MGAT4D: variants seen among roughly 807,000 people sequenced by gnomAD.
The protein encoded by MGAT4D is MGAT4 family member D, also known as alpha-1,3-mannosyl-glycoprotein 4-beta-N-acetylglucosaminyltransferase-like protein MGAT4D.
Under a neutral mutation model 15.9 loss-of-function variants are expected in MGAT4D, and 34 were observed. The observed-to-expected ratio is 2.14, with a 90% CI of 1.62 to 2.84. The LOEUF (loss-of-function observed/expected upper bound fraction) is 2.84, where lower values mean the gene tolerates loss of function less well. MGAT4D is among the 30% of genes most tolerant of loss of function. The pLI, the probability that MGAT4D is intolerant of heterozygous loss-of-function variation, is 0.00. For synonymous variants in MGAT4D, 112 were observed against 48.2 expected (o/e 2.33, Z -5.49); for missense variants, 327 against 140.2 (o/e 2.33, Z -6.73).
intron 9 of MGAT4D, among the ~76,000 whole-genome samples, chr4:140,453,786 A>G (rs143778200): frequency 0.028 from 4,328 of 152,160 alleles, 209 homozygotes; most frequent in African/African-American, 0.098. Context: ...TCATGATTGT[A>G]AGTTTTCTGA....
chr4:140,468,793 TCACTGC>T (rs1731718657), intron 5 of MGAT4D, among the ~76,000 whole-genome samples: 1 of 152,148 alleles, frequency 6.6e-6, no homozygotes, highest in Admixed American at 6.5e-5. Context: ...CTAAGTTCCT[TCACTGC>T]CAATGAATCC....
intron 1 of MGAT4D, among the ~76,000 whole-genome samples, chr4:140,492,188 G>T (rs1460037575): frequency 6.6e-6 from 1 of 152,102 alleles, no homozygotes; most frequent in Non-Finnish European, 1.5e-5. Context: ...ACAATGTTGT[G>T]AGAAACAAAC....
At chr4:140,454,366 A>G (rs1730664217) in intron 9 of MGAT4D, among the ~76,000 whole-genome samples, 1 of 152,196 alleles carries the variant, frequency 6.6e-6, no homozygotes, top group South Asian at 2.1e-4. Context: ...TGATATTAAC[A>G]TGTGGCTTTT....
chr4:140,459,799 C>CT (rs576574327), intron 7 of MGAT4D, among the ~76,000 whole-genome samples, 173 bp from the exon 8 acceptor site: 7,801 of 108,772 alleles, frequency 0.072, 116 homozygotes, highest in African/African-American at 0.099. Flanking sequence ...AGTTGATTTC[C>CT]TTTTTTTTTT....
rs1337699745 is a variant in MGAT4D at position 140,498,109 on chromosome 4, G to A, written c.94+20C>T. 5.7e-6 allele frequency: 4 copies of A among 696,172 alleles called. No individual in the cohort carries two copies. Among genetic ancestry groups the A allele is most frequent in the Non-Finnish European group, 1.0e-5 (4 of 382,034 alleles). The allele number at this position is 696,172 out of a possible 1,614,324, so 43.1% of individuals were successfully genotyped here. A position where few individuals can be genotyped will look rare whatever the true frequency, so the allele number is the denominator to read the frequency against. On this transcript the variant is annotated intron_variant, in intron 1 of 10. Transcript: ENST00000511113. Reference sequence around the variant, plus strand: ...GCCCCCGCGGCGGGAAAGGAGGCGGGAGGAGGGCCCGCCGCTTACTGGTTT... The same window carrying A: ...GCCCCCGCGGCGGGAAAGGAGGCGGAAGGAGGGCCCGCCGCTTACTGGTTT...
chr4:140,481,303 T>TA (rs931687586), intron 2 of MGAT4D, among the ~76,000 whole-genome samples: 6 of 151,396 alleles, frequency 4.0e-5, no homozygotes, highest in African/African-American at 1.2e-4. Context: ...GAGCCTGTTT[T>TA]AAAAAAAAAT....
chr4:140,459,387 G>C, intron 8 of MGAT4D, 125 bp downstream of exon 8: 1 of 348,412 alleles, frequency 2.9e-6, no homozygotes. Context: ...TAAGATAATA[G>C]TGTCTTTATA....
intron 1 of MGAT4D, among the ~76,000 whole-genome samples, chr4:140,486,910 C>G (rs770082454): frequency 1.3e-4 from 20 of 152,090 alleles, no homozygotes; most frequent in Non-Finnish European, 2.8e-4. Flanking sequence ...TTAGGGTTTC[C>G]CAGGTAATGT....
chr4:140,490,686 T>C (rs1039558280), intron 1 of MGAT4D, among the ~76,000 whole-genome samples: 1 of 152,220 alleles, frequency 6.6e-6, no homozygotes, highest in Non-Finnish European at 1.5e-5. Context: ...CAAAAGCCAG[T>C]GTTAAAGTTA....
intron 7 of MGAT4D, among the ~76,000 whole-genome samples, chr4:140,460,930 G>C (rs1320054959): frequency 6.6e-6 from 1 of 152,178 alleles, no homozygotes; most frequent in Non-Finnish European, 1.5e-5. Context: ...TCTATCTCCA[G>C]ATAGTTCCCA....
At position 140,451,448 on chromosome 4, in the gene MGAT4D, T is replaced by A. The variant is rs1033291863; in HGVS notation, c.1078A>T (p.Ile360Leu). 24 of 634,152 alleles carry A rather than the reference T, an allele frequency of 3.8e-5. No homozygotes were observed. The Admixed American group carries it at 4.4e-4, about 12-fold the overall frequency. The allele number at this position is 634,152 out of a possible 1,614,324, so 39.3% of individuals were successfully genotyped here. Residue 360 changes from isoleucine (I) to leucine (L), a missense_variant, in exon 10 of 11, where the codon ATA (isoleucine) becomes TTA (leucine). Transcript: ENST00000511113. ...TCTTTTCTAGGGAATGATGAATGTA[T>A]ACCCACATGCTGGAAAAGAGAAGGT... is the stretch of plus-strand genomic sequence containing the variant. The part of the protein sequence containing the change: ...YKPSLFQHVG[I>L]HSSFPRKEQY...
At chr4:140,465,118 A>G in intron 5 of MGAT4D, 109 bp from the exon 6 acceptor site, 1 of 564,692 alleles carries the variant, frequency 1.8e-6, no homozygotes, top group East Asian at 2.8e-5. Context: ...ATTTGATTTG[A>G]ATTATTTCAC....
rs1731431245 is a variant in MGAT4D at position 140,464,926 on chromosome 4, T to G, written c.656A>C (p.His219Pro). The change falls in exon 6 of 11, where the codon CAC becomes CCC. Residue 219 changes from histidine to proline, a missense_variant. Transcript: ENST00000511113. ...TAATTTTTGTGAGGCCTCAGCTAAGTGCTTGGCATTTAACATGCTTGAGTA... is the reference window on the plus strand; with the variant it reads ...TAATTTTTGTGAGGCCTCAGCTAAGGGCTTGGCATTTAACATGCTTGAGTA... ...FLYSSMLNAKHLAEASQKLAS... is the reference protein window; with the variant it reads ...FLYSSMLNAKPLAEASQKLAS... The G allele has an allele frequency of 1.4e-6, 1 of 702,742 alleles. No individual in the cohort carries two copies. 43.5% of individuals were successfully genotyped at this position (702,742 alleles called of 1,614,324 possible).
chr4:140,494,170 G>A (rs1400056256), intron 1 of MGAT4D, among the ~76,000 whole-genome samples: 1 of 152,194 alleles, frequency 6.6e-6, no homozygotes, highest in East Asian at 1.9e-4. Flanking sequence ...AGAATTCCAT[G>A]ACAGGCACTG....
intron 2 of MGAT4D, among the ~76,000 whole-genome samples, chr4:140,481,043 T>C (rs968267631): frequency 6.6e-6 from 1 of 152,190 alleles, no homozygotes; most frequent in Non-Finnish European, 1.5e-5. Flanking sequence ...AGGACAGGCA[T>C]GGTCCCGTAA....
At chr4:140,448,993 T>C (rs1730299013) in intron 10 of MGAT4D, among the ~76,000 whole-genome samples, 1 of 152,224 alleles carries the variant, frequency 6.6e-6, no homozygotes, top group African/African-American at 2.4e-5. Flanking sequence ...TCAAAGTTAA[T>C]TGGGTGTCCT....
In MGAT4D at chr4:140,465,872, A is replaced by G. The variant is rs1295580981; in HGVS notation, c.573-863T>C. Among the ~76,000 whole-genome samples, 4 of 152,164 alleles carry G rather than the reference A, an allele frequency of 2.6e-5. No individual in the cohort carries two copies. In the East Asian group the frequency reaches 7.7e-4, roughly 29 times the overall value. ...TAAATAACACCAGTCTCCCACAACA[A>G]CACTGTAGTCATGATATATTGTGAA... is the stretch of plus-strand genomic sequence containing the variant. On this transcript the variant is annotated intron_variant, in intron 5 of 10. Transcript: ENST00000511113.
Position 140,459,639 on chromosome 4 carries a change from A to C in MGAT4D, c.763-13T>G, listed in dbSNP as rs760911951. On this transcript the variant is annotated splice_polypyrimidine_tract_variant and intron_variant, in intron 7 of 10. Transcript: ENST00000511113. The stretch of plus-strand genomic sequence containing the variant: ...TATCATCTTCTAGCTGAAAAAAAAA[A>C]CCCAAAAAGACATTAATATCTTTGA... 1.9e-4 allele frequency: 84 copies of C among 439,652 alleles called. No homozygotes were observed. Among genetic ancestry groups the C allele is most frequent in the Middle Eastern group, 3.2e-4 (1 of 3,084 alleles). The allele number at this position is 439,652 out of a possible 1,614,324, so 27.2% of individuals were successfully genotyped here.
chr4:140,464,721 T>C (rs1443103613), intron 6 of MGAT4D, among the ~76,000 whole-genome samples, 175 bp downstream of exon 6: 1 of 152,220 alleles, frequency 6.6e-6, no homozygotes, highest in East Asian at 1.9e-4. Flanking sequence ...TGCTATCAAC[T>C]CGATGTTATT....
Sources: gnomAD v4.1 joint callset for allele counts (sites outside exome capture counted in the v4.1 genomes callset) on GRCh38, gnomAD v4.1.1 for gene constraint, MANE v1.5 for transcripts, NCBI Gene and HGNC (gene_info 2026-07-23, HGNC 2026-07-21) for gene names.